PTPRT: variants seen among roughly 807,000 people sequenced by gnomAD.
The protein encoded by PTPRT is protein tyrosine phosphatase receptor type T, also known as receptor-type tyrosine-protein phosphatase T.
In PTPRT, 56 loss-of-function variants were observed where a neutral mutation model predicts 176.8. The observed-to-expected ratio is 0.32, with a 90% confidence interval of 0.26 to 0.40. PTPRT has a LOEUF of 0.40. PTPRT is among the 10% of genes least tolerant of loss of function. PTPRT has a pLI of 1.00. For missense variants in PTPRT, 1,540 were observed against 1,908.2 expected (o/e 0.81, Z 3.60); for synonymous variants, 783 against 739.0 (o/e 1.06, Z -0.96).
At chr20:42,687,550 A>C (rs73618859) in intron 6 of PTPRT, 1 of 152,196 alleles carries the variant, frequency 6.6e-6, no homozygotes, top group Non-Finnish European at 1.5e-5. Context: ...CTTGCCTGCT[A>C]ATCAGGAGTC....
Position 42,297,550 on chromosome 20 carries a change from G to C in PTPRT, c.2140-15025C>G, listed in dbSNP as rs576326222. Among the ~76,000 whole-genome samples, 7 of 152,222 alleles carry C rather than the reference G, an allele frequency of 4.6e-5. No individual in the cohort carries two copies. In the East Asian group the frequency reaches 1.4e-3, roughly 29 times the overall value. ...ACAAGTGGACACTAAAATTTATAGG[G>C]AACATGCAAGAAGAGCTAGAAACTC... On this transcript the variant is annotated intron_variant, in intron 12 of 30. Coordinates refer to ENST00000373187, the MANE Select transcript of PTPRT (RefSeq NM_007050.6).
At chr20:43,094,391 C>CTTTT (rs71335878) in intron 1 of PTPRT, among the ~76,000 whole-genome samples, 281 of 64,428 alleles carry the variant, frequency 4.4e-3, no homozygotes, top group East Asian at 7.0e-3. Context: ...CGGCCTCTTT[C>CTTTT]TTTTTTTTTT....
the PTPRT span, among the ~76,000 whole-genome samples, chr20:42,056,429 C>G: frequency 6.6e-6 from 1 of 152,298 alleles, no homozygotes; most frequent in East Asian, 1.9e-4. Flanking sequence ...AGATGGAGGG[C>G]TTGGGAGGTC....
At chr20:42,831,446 G>A (rs1228306218) in intron 2 of PTPRT, among the ~76,000 whole-genome samples, 1 of 152,004 alleles carries the variant, frequency 6.6e-6, no homozygotes, top group African/African-American at 2.4e-5. Context: ...CCTAGGCATA[G>A]GGACATTCTG....
At chr20:42,332,240 C>T (rs2057976022) in intron 11 of PTPRT, among the ~76,000 whole-genome samples, 1 of 152,056 alleles carries the variant, frequency 6.6e-6, no homozygotes. Flanking sequence ...GATGGAGTCT[C>T]ACTCTGTCAC....
chr20:43,072,201 T>G lies in PTPRT; in HGVS notation c.88+117445A>C, dbSNP rs115736337. Among the ~76,000 whole-genome samples the G allele has an allele frequency of 4.3e-3, 658 of 152,256 alleles. 2 individuals carry two copies. The highest frequency in any genetic ancestry group is 0.017 in the Middle Eastern group (5 of 294). On this transcript the variant is annotated intron_variant, in intron 1 of 30. Coordinates refer to ENST00000373187, the MANE Select transcript of PTPRT (RefSeq NM_007050.6). Reference sequence around the variant, plus strand: ...ATGCAATTAAGAAGCCAAGAAACAATCCCTGCAACAAATTAATATAATGGC... The same window carrying G: ...ATGCAATTAAGAAGCCAAGAAACAAGCCCTGCAACAAATTAATATAATGGC...
At chr20:42,642,492 A>G (rs2074780971) in intron 7 of PTPRT, among the ~76,000 whole-genome samples, 1 of 152,124 alleles carries the variant, frequency 6.6e-6, no homozygotes, top group Non-Finnish European at 1.5e-5. Context: ...AATGATAATA[A>G]TGTGAATAAT....
intron 8 of PTPRT, among the ~76,000 whole-genome samples, chr20:42,460,802 C>A (rs1257746166): frequency 6.6e-6 from 1 of 152,156 alleles, no homozygotes; most frequent in Admixed American, 6.5e-5. Flanking sequence ...TGAGGCCTCC[C>A]AGCCATGCTG....
rs151029485 is a variant in PTPRT, at chr20:42,611,316, C to A, written c.1153+66550G>T. On this transcript the variant is annotated intron_variant, in intron 7 of 30. Coordinates refer to ENST00000373187, the MANE Select transcript of PTPRT (RefSeq NM_007050.6). ...TGAGGATCCAATTTTTTCACATTCT[C>A]TCCAACACTTGTTATTATCTGTCTT... is the stretch of plus-strand genomic sequence containing the variant. Among the ~76,000 whole-genome samples, 1,255 of 152,326 alleles carry A rather than the reference C, an allele frequency of 8.2e-3. 11 individuals are homozygous for A. Among genetic ancestry groups the A allele is most frequent in the Non-Finnish European group, 0.014 (940 of 68,042 alleles).
At chr20:42,323,958 G>A (rs1162487157) in intron 11 of PTPRT, among the ~76,000 whole-genome samples, 1 of 151,956 alleles carries the variant, frequency 6.6e-6, no homozygotes, top group Non-Finnish European at 1.5e-5. Flanking sequence ...GACACAGTCT[G>A]GTAGTTCCTT....
At chr20:42,483,010 A>T (rs2071412081) in intron 7 of PTPRT, among the ~76,000 whole-genome samples, 1 of 152,240 alleles carries the variant, frequency 6.6e-6, no homozygotes, top group African/African-American at 2.4e-5. Flanking sequence ...ATATGATGAT[A>T]ATGCAAATAA....
chr20:42,177,632 G>T (rs1010412117), intron 16 of PTPRT, among the ~76,000 whole-genome samples: 3 of 152,146 alleles, frequency 2.0e-5, no homozygotes, highest in Admixed American at 6.5e-5. Flanking sequence ...GTCATTCAAA[G>T]AACATACTAA....
intron 19 of PTPRT, 129 bp downstream of exon 19, chr20:42,128,625 A>G: frequency 1.4e-6 from 1 of 709,424 alleles, no homozygotes; most frequent in Non-Finnish European, 2.2e-6. Context: ...GGGTTACACT[A>G]GTTCCACATA....
chr20:42,034,578 G>C, the PTPRT span, among the ~76,000 whole-genome samples: 2 of 152,134 alleles, frequency 1.3e-5, no homozygotes, highest in African/African-American at 4.8e-5. Flanking sequence ...TCCTCATGTA[G>C]GGTTCCTTCC....
intron 1 of PTPRT, among the ~76,000 whole-genome samples, chr20:43,119,622 A>G (rs189380383): frequency 2.0e-5 from 3 of 152,234 alleles, no homozygotes; most frequent in African/African-American, 4.8e-5. Context: ...CCTGAATCCC[A>G]TCTTGGGTTG....
the PTPRT span, among the ~76,000 whole-genome samples, chr20:42,057,337 G>C: frequency 2.6e-5 from 4 of 152,036 alleles, no homozygotes; most frequent in African/African-American, 9.7e-5. Flanking sequence ...TGTTATTGGC[G>C]GGGGGCGGGG....
intron 17 of PTPRT, among the ~76,000 whole-genome samples, chr20:42,153,832 A>G (rs1989236589): frequency 1.3e-5 from 2 of 152,194 alleles, no homozygotes; most frequent in African/African-American, 4.8e-5. Flanking sequence ...GGCCATGATC[A>G]TAACCTTGGT....
chr20:42,664,906 G>A (rs917869235), intron 7 of PTPRT, among the ~76,000 whole-genome samples: 2 of 152,188 alleles, frequency 1.3e-5, no homozygotes, highest in Non-Finnish European at 2.9e-5. Flanking sequence ...GTAGAAAGCT[G>A]AAACTGGATC....
At chr20:42,033,954 A>G in the PTPRT span, among the ~76,000 whole-genome samples, 844 of 152,354 alleles carry the variant, frequency 5.5e-3, 9 homozygotes, top group African/African-American at 0.02. Flanking sequence ...GAGCCCTGTC[A>G]GTACTAATCC....
Sources: gnomAD v4.1 joint callset for allele counts (sites outside exome capture counted in the v4.1 genomes callset) on GRCh38, gnomAD v4.1.1 for gene constraint, MANE v1.5 for transcripts, NCBI Gene and HGNC (gene_info 2026-07-23, HGNC 2026-07-21) for gene names.